Variants in CTNNA3 observed in about 807,000 individuals in gnomAD.
CTNNA3 encodes catenin alpha-3.
CTNNA3 carries 76 observed loss-of-function variants against 95.7 expected under a neutral mutation model. That is an observed-to-expected ratio of 0.79 (90% confidence interval 0.66 to 0.96). The LOEUF (loss-of-function observed/expected upper bound fraction) is 0.96, where lower values mean the gene tolerates loss of function less well. CTNNA3 is among the 40% of genes least tolerant of loss of function. The pLI, the probability that CTNNA3 is intolerant of heterozygous loss-of-function variation, is 0.00. For missense variants in CTNNA3, 1,191 were observed against 1,089.8 expected (o/e 1.09, Z -1.31); for synonymous variants, 431 against 374.4 (o/e 1.15, Z -1.74).
chr10:66,997,055 C>A (rs916026043), intron 7 of CTNNA3, among the ~76,000 whole-genome samples: 1 of 152,124 alleles, frequency 6.6e-6, no homozygotes, highest in African/African-American at 2.4e-5. Context: ...TTAATACTAA[C>A]AGAGAGTCAA....
chr10:67,588,045 C>T (rs1428194720), intron 3 of CTNNA3, among the ~76,000 whole-genome samples: 2 of 151,852 alleles, frequency 1.3e-5, no homozygotes, highest in Admixed American at 6.6e-5. Context: ...TCTTCAGTTC[C>T]AGAATTTCTG....
At chr10:66,982,184 AGAAT>A (rs2132885810) in intron 7 of CTNNA3, among the ~76,000 whole-genome samples, 1 of 152,364 alleles carries the variant, frequency 6.6e-6, no homozygotes, top group Admixed American at 6.5e-5. Context: ...GTTATTTGGA[AGAAT>A]GGCACTAAAG....
At chr10:66,681,176 A>G (rs1847054967) in intron 9 of CTNNA3, among the ~76,000 whole-genome samples, 1 of 152,190 alleles carries the variant, frequency 6.6e-6, no homozygotes, top group African/African-American at 2.4e-5. Context: ...AGTGCTTTCT[A>G]GAAGAATTAC....
intron 7 of CTNNA3, among the ~76,000 whole-genome samples, chr10:66,834,051 A>G (rs1367125032): frequency 6.6e-6 from 1 of 152,122 alleles, no homozygotes; most frequent in Non-Finnish European, 1.5e-5. Context: ...TGTTCTTTCA[A>G]TGACACACTC....
At chr10:66,341,885 A>G (rs2092456776) in intron 12 of CTNNA3, among the ~76,000 whole-genome samples, 1 of 151,784 alleles carries the variant, frequency 6.6e-6, no homozygotes, top group Admixed American at 6.6e-5. Flanking sequence ...ATGGGATAGA[A>G]AGTCTTCAGA....
At chr10:66,968,554 G>C (rs1734019468) in intron 7 of CTNNA3, among the ~76,000 whole-genome samples, 1 of 151,834 alleles carries the variant, frequency 6.6e-6, no homozygotes, top group Non-Finnish European at 1.5e-5. Context: ...TTGGATTCAG[G>C]AGTTTCTGCA....
intron 9 of CTNNA3, among the ~76,000 whole-genome samples, chr10:66,722,174 C>G (rs181854631): frequency 1.6e-4 from 25 of 152,080 alleles, no homozygotes; most frequent in Admixed American, 1.4e-3. Context: ...GTCAGGAGAT[C>G]AAGACCATCA....
intron 13 of CTNNA3, among the ~76,000 whole-genome samples, chr10:66,151,228 G>A (rs1316259759): frequency 6.6e-6 from 1 of 151,852 alleles, no homozygotes; most frequent in African/African-American, 2.4e-5. Context: ...AAGTACTATG[G>A]GGACAACTTA....
intron 9 of CTNNA3, among the ~76,000 whole-genome samples, chr10:66,746,097 G>A (rs55745337): frequency 0.093 from 14,175 of 152,056 alleles, 832 homozygotes; most frequent in East Asian, 0.23. Context: ...AAATGAAAAA[G>A]AAATGCAAAC....
intron 1 of CTNNA3, among the ~76,000 whole-genome samples, chr10:67,735,883 T>C (rs578146082): frequency 2.0e-5 from 3 of 152,280 alleles, no homozygotes; most frequent in East Asian, 1.9e-4. Flanking sequence ...GTAGTCATAA[T>C]AGACAAAAGG....
At chr10:67,708,115 G>A (rs561263899) in intron 1 of CTNNA3, among the ~76,000 whole-genome samples, 1 of 152,072 alleles carries the variant, frequency 6.6e-6, no homozygotes, top group Admixed American at 6.5e-5. Context: ...TTGTTGCCTT[G>A]GTAATAATAG....
chr10:67,433,842 GC>G (rs1846209699), intron 5 of CTNNA3, among the ~76,000 whole-genome samples: 1 of 151,850 alleles, frequency 6.6e-6, no homozygotes, highest in Non-Finnish European at 1.5e-5. Flanking sequence ...ATCAACCCTA[GC>G]CATACCACCT....
chr10:66,618,112 A>G (rs1372533628), intron 10 of CTNNA3, among the ~76,000 whole-genome samples: 5 of 152,204 alleles, frequency 3.3e-5, no homozygotes, highest in Non-Finnish European at 5.9e-5. Context: ...GGAAGAATCA[A>G]TATTGTGAAA....
chr10:66,390,361 C>T (rs2092925732), intron 11 of CTNNA3, among the ~76,000 whole-genome samples: 2 of 152,026 alleles, frequency 1.3e-5, no homozygotes, highest in Admixed American at 1.3e-4. Flanking sequence ...ACAGTTTCCT[C>T]CCCTGATATC....
chr10:67,443,335 G>C (rs1050896646), intron 5 of CTNNA3, among the ~76,000 whole-genome samples: 3 of 142,830 alleles, frequency 2.1e-5, no homozygotes, highest in African/African-American at 7.7e-5. Context: ...TGGGTCAAAT[G>C]GTATTTCTAG....
At chr10:66,178,171 A>G (rs1419859082) in intron 13 of CTNNA3, among the ~76,000 whole-genome samples, 1 of 151,432 alleles carries the variant, frequency 6.6e-6, no homozygotes, top group African/African-American at 2.4e-5. Flanking sequence ...ACTAAATATA[A>G]ATTAGCTTCT....
At chr10:67,037,806 G>A (rs1364279328) in intron 7 of CTNNA3, among the ~76,000 whole-genome samples, 3 of 152,146 alleles carry the variant, frequency 2.0e-5, no homozygotes, top group Non-Finnish European at 4.4e-5. Context: ...TACAGTCAGT[G>A]AGTTCAGCTT....
intron 3 of CTNNA3, among the ~76,000 whole-genome samples, chr10:67,556,758 G>T (rs1841273317): frequency 1.3e-5 from 2 of 152,200 alleles, no homozygotes; most frequent in South Asian, 4.2e-4. Flanking sequence ...ATCTCCTTCA[G>T]TTCTGCTCTG....
intron 5 of CTNNA3, among the ~76,000 whole-genome samples, chr10:67,373,810 G>T (rs556407361): frequency 6.6e-6 from 1 of 152,286 alleles, no homozygotes; most frequent in East Asian, 1.9e-4. Context: ...TTACCCTGAT[G>T]GATGGGTGGG....
Sources: gnomAD v4.1 joint callset for allele counts (sites outside exome capture counted in the v4.1 genomes callset) on GRCh38, gnomAD v4.1.1 for gene constraint, MANE v1.5 for transcripts, NCBI Gene and HGNC (gene_info 2026-07-23, HGNC 2026-07-21) for gene names.